ZNF554: variants seen among roughly 807,000 people sequenced by gnomAD.
ZNF554 encodes zinc finger protein 554.
ZNF554 carries 15 observed loss-of-function variants against 21.2 expected under a neutral mutation model. The observed-to-expected ratio is 0.71, with a 90% confidence interval of 0.47 to 1.09. ZNF554 has a LOEUF of 1.09. Ranked by LOEUF, ZNF554 falls within the 50% of genes least tolerant of loss-of-function variation. The pLI is 0.00. For synonymous variants in ZNF554, 258 were observed against 251.4 expected, an observed-to-expected ratio of 1.03 and a Z score of -0.25; for missense variants, 691 against 662.7, an observed-to-expected ratio of 1.04 and a Z score of -0.47.
At position 2,836,289 on chromosome 19, in the gene ZNF554, T is replaced by C. The variant is rs1029841; in HGVS notation, c.*1437T>C. Reference sequence around the variant, plus strand: ...TGCTGGGATTACGGGCGCGAGCCACTGTGCTGGGATTACAGGTGTGAGCCA... The same window carrying C: ...TGCTGGGATTACGGGCGCGAGCCACCGTGCTGGGATTACAGGTGTGAGCCA... On this transcript the variant is annotated 3_prime_UTR_variant, in exon 5 of 5. Transcript: ENST00000317243. 0.7 allele frequency among the ~76,000 whole-genome samples: 105,197 copies of C among 150,798 alleles called. 37,577 individuals carry two copies. The highest frequency in any genetic ancestry group is 1 in the East Asian group (5,106 of 5,128).
intron 3 of ZNF554, chr19:2,832,085 C>A: frequency 2.8e-6 from 1 of 359,308 alleles, no homozygotes; most frequent in Non-Finnish European, 5.1e-6. Flanking sequence ...ACCACCACGC[C>A]CAGCTAATTT....
intron 1 of ZNF554, among the ~76,000 whole-genome samples, chr19:2,820,887 A>T (rs1167756560): frequency 6.8e-6 from 1 of 147,432 alleles, no homozygotes; most frequent in Non-Finnish European, 1.5e-5. Flanking sequence ...CTGGTCTCGA[A>T]CTCCCACCTC....
intron 3 of ZNF554, chr19:2,831,011 C>G (rs1294147516): frequency 6.6e-6 from 1 of 152,200 alleles, no homozygotes; most frequent in African/African-American, 2.4e-5. Context: ...AGTGATCCAC[C>G]TACTTCCGCT....
intron 2 of ZNF554, among the ~76,000 whole-genome samples, chr19:2,827,119 A>G (rs1472689216): frequency 1.3e-5 from 2 of 152,222 alleles, no homozygotes. Context: ...GACTATGGCA[A>G]TAGCAAATGC....
At position 2,821,275 on chromosome 19, in the gene ZNF554, C is replaced by A. The variant is rs1174366813; in HGVS notation, c.53+1151C>A. ...CTAATTTTTATATTTTTAGTAGATACAGAGTTTCTCCATGTTGGCCAGCCA... is the reference window on the plus strand; with the variant it reads ...CTAATTTTTATATTTTTAGTAGATAAAGAGTTTCTCCATGTTGGCCAGCCA... On this transcript the variant is annotated intron_variant, in intron 1 of 4. Transcript: ENST00000317243. This position sits in a 1 kb window ranked among gnomAD's most constrained non-coding sequence, Gnocchi z 8.2. 1.3e-5 allele frequency among the ~76,000 whole-genome samples: 2 copies of A among 151,612 alleles called. No homozygotes were observed. Among genetic ancestry groups the A allele is most frequent in the African/African-American group, 4.9e-5 (2 of 40,990 alleles).
At position 2,834,291 on chromosome 19, in the gene ZNF554, C is replaced by T. The variant is rs568848088; in HGVS notation, c.1056C>T (p.Tyr352=). The T allele has an allele frequency of 2.0e-5, 33 of 1,613,844 alleles. No homozygotes were observed. The highest frequency in any genetic ancestry group is 1.6e-4 in the African/African-American group (12 of 74,844). ...GAATTCACACGGGGGAGAAACCCTA[C>T]GAGTGTCAGGAGTGTGGGCGAGCCT... ...HQRIHTGEKP[Y]ECQECGRAFT... The change falls in exon 5 of 5, where the codon TAC becomes TAT. Residue 352 remains tyrosine (Y), a synonymous_variant. Coordinates refer to ENST00000317243, the MANE Select transcript of ZNF554 (RefSeq NM_001102651.2).
chr19:2,830,371 G>A (rs1249864051), intron 3 of ZNF554, among the ~76,000 whole-genome samples: 3 of 152,174 alleles, frequency 2.0e-5, no homozygotes, highest in South Asian at 2.1e-4. Flanking sequence ...AGATTCCATC[G>A]TGTGTATACA....
In ZNF554 at chr19:2,835,512, T is replaced by C. The variant is rs1363013181; in HGVS notation, c.*660T>C. The C allele has an allele frequency of 6.6e-6, 1 of 151,598 alleles. No homozygotes were observed. The highest frequency in any genetic ancestry group is 1.5e-5 in the Non-Finnish European group (1 of 68,028). The allele number at this position is 151,598 out of a possible 1,614,324, so 9.4% of individuals were successfully genotyped here. On this transcript the variant is annotated 3_prime_UTR_variant, in exon 5 of 5. Coordinates refer to ENST00000317243, the MANE Select transcript of ZNF554 (RefSeq NM_001102651.2). ...ATTATAGAGTTGGGGTCTTGCTACA[T>C]TGCCAAGACTGGTCTTGAACTCCTG... is the stretch of plus-strand genomic sequence containing the variant.
At position 2,827,543 on chromosome 19, in the gene ZNF554, C is replaced by T; in HGVS notation, c.127-74C>T. 1.3e-6 allele frequency: 2 copies of T among 1,544,068 alleles called. 1 individual carries two copies. Among genetic ancestry groups the T allele is most frequent in the South Asian group, 2.5e-5 (2 of 80,006 alleles). On this transcript the variant is annotated intron_variant, in intron 2 of 4. Transcript: ENST00000317243. ...ACCTTTCTCAACTTCCCTGGTGCCA[C>T]CAACCTCACCCCTCCTCCCATGAAC...
At chr19:2,829,231 C>T (rs12459129) in intron 3 of ZNF554, among the ~76,000 whole-genome samples, 17,681 of 152,002 alleles carry the variant, frequency 0.12, 1,289 homozygotes, top group South Asian at 0.23. Flanking sequence ...TGGTGATAGA[C>T]GTCTGTAATC....
chr19:2,833,829 G>T lies in ZNF554; in HGVS notation c.594G>T (p.Gly198=). The part of the protein sequence containing the change: ...QLEDSHEDPQ[G]LLSQKASLHV... ...AGGACAGCCATGAAGACCCCCAGGG[G>T]CTTTTGAGCCAAAAGGCATCCCTTC... Residue 198 remains glycine, a synonymous_variant, in exon 5 of 5, where the codon GGG becomes GGT. Coordinates refer to ENST00000317243, the MANE Select transcript of ZNF554 (RefSeq NM_001102651.2). The T allele has an allele frequency of 6.2e-7, 1 of 1,612,876 alleles. No homozygotes were observed. The highest frequency in any genetic ancestry group is 8.5e-7 in the Non-Finnish European group (1 of 1,179,366).
chr19:2,834,107 A>G lies in ZNF554; in HGVS notation c.872A>G (p.His291Arg), dbSNP rs2087460946. 6.2e-7 allele frequency: 1 copy of G among 1,613,906 alleles called. No homozygotes were observed. The highest frequency in any genetic ancestry group is 1.3e-5 in the African/African-American group (1 of 74,918). The change falls in exon 5 of 5, where the codon CAC becomes CGC. Residue 291 changes from histidine (H) to arginine (R), a missense_variant. His to Arg is a conservative substitution (Grantham distance 29, BLOSUM62 0). Coordinates refer to ENST00000317243, the MANE Select transcript of ZNF554 (RefSeq NM_001102651.2). ...AIRQNSHFIQ[H>R]GGKMFVYLEN... ...CGCCAGAACAGTCACTTTATTCAAC[A>G]CGGGGGGAAGATGTTTGTGTATTTG...
rs146923361 is a variant in ZNF554 at position 2,822,855 on chromosome 19, C to T, written c.54-185C>T. Among the ~76,000 whole-genome samples the T allele has an allele frequency of 2.6e-3, 389 of 152,334 alleles. 1 individual carries two copies. Among genetic ancestry groups the T allele is most frequent in the Non-Finnish European group, 3.5e-3 (237 of 68,036 alleles). On this transcript the variant is annotated intron_variant, in intron 1 of 4. Coordinates refer to ENST00000317243, the MANE Select transcript of ZNF554 (RefSeq NM_001102651.2). ...CACCACTGCACTGCAGCCTGGGCAA[C>T]GGAGGGAGACCCTATCTCTTAAAAA... is the stretch of plus-strand genomic sequence containing the variant.
chr19:2,832,303 A>T lies in ZNF554; in HGVS notation c.254A>T (p.Glu85Val). ...LENYRNVVSL[E>V]ALKNQCTDVG... ...TCAAGTATACTCTTGTCTTTTTCAG[A>T]AGCCTTGAAGAACCAATGTACTGAT... The change falls in exon 4 of 5, where the codon GAA (glutamate) becomes GTA (valine). Residue 85 changes from glutamate (E) to valine (V), a missense_variant and splice_region_variant. Glu to Val is a moderately radical substitution (Grantham distance 121, BLOSUM62 -2). Coordinates refer to ENST00000317243, the MANE Select transcript of ZNF554 (RefSeq NM_001102651.2). The T allele has an allele frequency of 6.4e-7, 1 of 1,573,868 alleles. No homozygotes were observed. Among genetic ancestry groups the T allele is most frequent in the Non-Finnish European group, 8.6e-7 (1 of 1,166,544 alleles).
At chr19:2,822,543 C>T (rs985594376) in intron 1 of ZNF554, among the ~76,000 whole-genome samples, 1 of 152,140 alleles carries the variant, frequency 6.6e-6, no homozygotes, top group African/African-American at 2.4e-5. Context: ...TTGTTTGCTT[C>T]CAAGGGCCTC....
rs2087265281 is a variant in ZNF554, at chr19:2,821,637, C to A, written c.54-1403C>A. Among the ~76,000 whole-genome samples, 1 of 151,644 alleles carries A rather than the reference C, an allele frequency of 6.6e-6. No homozygotes were observed. The highest frequency in any genetic ancestry group is 2.4e-5 in the African/African-American group (1 of 41,004). ...AGCTCTGCCTGCATCATCATGTGGC[C>A]TTCTTCCCTGTGTCTCTTTCTCCTT... On this transcript the variant is annotated intron_variant, in intron 1 of 4. Transcript: ENST00000317243. This position sits in a 1 kb window ranked among gnomAD's most constrained non-coding sequence, Gnocchi z 8.2.
In ZNF554 at chr19:2,834,111, G is replaced by A; in HGVS notation, c.876G>A (p.Gly292=). Residue 292 remains glycine (G), a synonymous_variant, in exon 5 of 5, where the codon GGG becomes GGA. Transcript: ENST00000317243. ...IRQNSHFIQH[G]GKMFVYLENG... ...AGAACAGTCACTTTATTCAACACGGGGGGAAGATGTTTGTGTATTTGGAAA... is the reference window on the plus strand; with the variant it reads ...AGAACAGTCACTTTATTCAACACGGAGGGAAGATGTTTGTGTATTTGGAAA... 6.2e-7 allele frequency: 1 copy of A among 1,614,080 alleles called. No individual in the cohort carries two copies. Among genetic ancestry groups the A allele is most frequent in the Non-Finnish European group, 8.5e-7 (1 of 1,180,038 alleles).
At position 2,833,884 on chromosome 19, in the gene ZNF554, A is replaced by C; in HGVS notation, c.649A>C (p.Thr217Pro). Reference sequence around the variant, plus strand: ...AGTGGCCGTTCCTCAGGAGAAGGCTACTGCATGGCATGGATTTGGGGAAAA... The same window carrying C: ...AGTGGCCGTTCCTCAGGAGAAGGCTCCTGCATGGCATGGATTTGGGGAAAA... ...HVVAVPQEKA[T>P]AWHGFGENGN... The change falls in exon 5 of 5, where the codon ACT becomes CCT. Residue 217 changes from threonine (T) to proline (P), a missense_variant. Physicochemically the swap from Thr to Pro is conservative, Grantham distance 38. Transcript: ENST00000317243. 6.2e-7 allele frequency: 1 copy of C among 1,613,770 alleles called. No individual in the cohort carries two copies. The highest frequency in any genetic ancestry group is 8.5e-7 in the Non-Finnish European group (1 of 1,179,746).
rs1454238596 is a variant in ZNF554 at position 2,835,515 on chromosome 19, C to G, written c.*663C>G. On this transcript the variant is annotated 3_prime_UTR_variant, in exon 5 of 5. Transcript: ENST00000317243. ...ATAGAGTTGGGGTCTTGCTACATTG[C>G]CAAGACTGGTCTTGAACTCCTGGGG... is the stretch of plus-strand genomic sequence containing the variant. 6.6e-6 allele frequency: 1 copy of G among 151,632 alleles called. No homozygotes were observed. Among genetic ancestry groups the G allele is most frequent in the Non-Finnish European group, 1.5e-5 (1 of 68,068 alleles). 9.4% of individuals were successfully genotyped at this position (151,632 alleles called of 1,614,324 possible). A position where few individuals can be genotyped will look rare whatever the true frequency, so the allele number is the denominator to read the frequency against.
Sources: gnomAD v4.1 joint callset for allele counts (sites outside exome capture counted in the v4.1 genomes callset) on GRCh38, gnomAD v4.1.1 for gene constraint, Gnocchi (gnomAD v3.1) non-coding constraint, MANE v1.5 for transcripts, NCBI Gene and HGNC (gene_info 2026-07-23, HGNC 2026-07-21) for gene names.